NSUN4: variants seen among roughly 807,000 people sequenced by gnomAD.
NSUN4 encodes the protein NOP2/Sun RNA methyltransferase 4, also known as 5-cytosine rRNA methyltransferase NSUN4.
In NSUN4, 31 loss-of-function variants were observed where a neutral mutation model predicts 43.8. The observed-to-expected ratio is 0.71, with a 90% confidence interval of 0.53 to 0.96. The LOEUF (loss-of-function observed/expected upper bound fraction) is 0.96. Ranked by LOEUF, NSUN4 falls within the 40% of genes least tolerant of loss-of-function variation. The pLI, the probability that NSUN4 is intolerant of heterozygous loss-of-function variation, is 0.00. For missense variants in NSUN4, 439 were observed against 475.6 expected (o/e 0.92, Z 0.72); for synonymous variants, 167 against 184.1 (o/e 0.91, Z 0.75).
At chr1:46,341,617 C>T (rs1228452475) in intron 1 of NSUN4, 5 of 1,217,900 alleles carry the variant, frequency 4.1e-6, no homozygotes, top group Admixed American at 4.3e-5. Context: ...CCACCCCAGC[C>T]GATTCCCTCG....
chr1:46,377,020 A>G, the NSUN4 span, among the ~76,000 whole-genome samples: 2 of 149,608 alleles, frequency 1.3e-5, no homozygotes, highest in African/African-American at 4.9e-5. Flanking sequence ...AGCCTCCCAA[A>G]GTGTTCGGGT....
At chr1:46,345,659 G>T (rs1358705031) in intron 2 of NSUN4, among the ~76,000 whole-genome samples, 1 of 152,142 alleles carries the variant, frequency 6.6e-6, no homozygotes, top group Non-Finnish European at 1.5e-5. Flanking sequence ...AAATAGGGCT[G>T]GTCTAGGGGC....
intron 1 of NSUN4, chr1:46,343,874 A>G (rs184261858): frequency 5.5e-5 from 22 of 400,456 alleles, no homozygotes; most frequent in Middle Eastern, 6.3e-4. Context: ...AGTCCCCAAC[A>G]TAGCAGGAGC....
downstream of NSUN4, among the ~76,000 whole-genome samples, chr1:46,369,390 G>C (rs772645985): frequency 9.2e-5 from 14 of 152,178 alleles, no homozygotes; most frequent in Non-Finnish European, 1.5e-4. Flanking sequence ...GTAGACGCTA[G>C]AGTGGTGAAC....
In NSUN4 at chr1:46,344,917, G is replaced by T; in HGVS notation, c.210G>T (p.Glu70Asp). 6.2e-7 allele frequency: 1 copy of T among 1,614,242 alleles called. No individual in the cohort carries two copies. The highest frequency in any genetic ancestry group is 1.1e-5 in the South Asian group (1 of 91,086). The change falls in exon 2 of 6, where the codon GAG (glutamate) becomes GAT (aspartate). Residue 70 changes from glutamate to aspartate, a missense_variant. By Grantham distance (45) the Glu-to-Asp change is conservative. Transcript: ENST00000474844. The part of the protein sequence containing the change: ...WPSIRVSLLS[E>D]QKYGALVNNF... ...CAATCCGTGTCAGTCTCCTCTCAGA[G>T]CAGAAGTATGGTGCACTGGTCAATA...
chr1:46,360,659 G>A, intron 4 of NSUN4, 45 bp from the exon 5 acceptor site: 4 of 1,598,380 alleles, frequency 2.5e-6, no homozygotes, highest in East Asian at 2.2e-5. Context: ...AGGAAGAGAA[G>A]CCTATAAGGA....
rs1664001538 is a variant in NSUN4, at chr1:46,363,463, G to A, written c.*1617G>A. 6.6e-6 allele frequency: 1 copy of A among 152,186 alleles called. No homozygotes were observed. The highest frequency in any genetic ancestry group is 2.1e-4 in the South Asian group (1 of 4,832). The allele number at this position is 152,186 out of a possible 1,614,324, so 9.4% of individuals were successfully genotyped here. A position where few individuals can be genotyped will look rare whatever the true frequency, so the allele number is the denominator to read the frequency against. On this transcript the variant is annotated 3_prime_UTR_variant, in exon 6 of 6. Transcript: ENST00000474844. Reference sequence around the variant, plus strand: ...ATGCTAAGCAGTGGTAATTCAAAATGAGAGGGTCCCCTGCCTCTAGAGTCA... The same window carrying A: ...ATGCTAAGCAGTGGTAATTCAAAATAAGAGGGTCCCCTGCCTCTAGAGTCA...
intron 4 of NSUN4, among the ~76,000 whole-genome samples, chr1:46,353,540 G>T (rs991270288): frequency 6.6e-6 from 1 of 151,598 alleles, no homozygotes; most frequent in Admixed American, 6.6e-5. Context: ...GCAATGGCGC[G>T]ATCTCTGCTC....
At chr1:46,352,794 C>T in intron 3 of NSUN4, 74 bp from the exon 4 acceptor site, 2 of 1,455,454 alleles carry the variant, frequency 1.4e-6, no homozygotes, top group Admixed American at 1.7e-5. Flanking sequence ...GAGAATTGGT[C>T]TGACTCCATC....
chr1:46,361,570 G>C lies in NSUN4; in HGVS notation c.879G>C (p.Ala293=), dbSNP rs185791003. 1.2e-6 allele frequency: 2 copies of C among 1,613,170 alleles called. No homozygotes were observed. Among genetic ancestry groups the C allele is most frequent in the Non-Finnish European group, 1.7e-6 (2 of 1,179,498 alleles). ...TGCTTCTGTCTCTTTCTGGTTTCAGGGCTGGACTCCTTGCCACCAAACCAG... is the reference window on the plus strand; with the variant it reads ...TGCTTCTGTCTCTTTCTGGTTTCAGCGCTGGACTCCTTGCCACCAAACCAG... ...ILPVLQVQLL[A]AGLLATKPGG... is the part of the protein sequence containing the mutation. The change falls in exon 6 of 6, where the codon GCG becomes GCC. Residue 293 remains alanine, a splice_region_variant and synonymous_variant. Coordinates refer to ENST00000474844, the MANE Select transcript of NSUN4 (RefSeq NM_199044.4).
At chr1:46,345,311 TTTTG>T in intron 2 of NSUN4, 167 bp downstream of exon 2, 1 of 566,296 alleles carries the variant, frequency 1.8e-6, no homozygotes. Flanking sequence ...TGTTATCTCT[TTTTG>T]TTCTGTCAGC....
chr1:46,355,528 A>G (rs1043854094), intron 4 of NSUN4, among the ~76,000 whole-genome samples: 1 of 152,212 alleles, frequency 6.6e-6, no homozygotes, highest in African/African-American at 2.4e-5. Context: ...TTAAATAAGA[A>G]TGCATTTGGC....
At chr1:46,361,344 T>C (rs1253128675) in intron 5 of NSUN4, among the ~76,000 whole-genome samples, 2 of 152,084 alleles carry the variant, frequency 1.3e-5, no homozygotes, top group Non-Finnish European at 2.9e-5. Context: ...CAGGGGGTCA[T>C]TGTAAGGAGA....
chr1:46,360,202 C>T (rs1663727879), intron 4 of NSUN4, among the ~76,000 whole-genome samples: 2 of 122,062 alleles, frequency 1.6e-5, no homozygotes, highest in Non-Finnish European at 3.2e-5. Context: ...GCACTCCAGC[C>T]TGGGCGACAG....
intron 1 of NSUN4, chr1:46,342,005 T>C (rs1313405217): frequency 2.5e-6 from 3 of 1,204,576 alleles, no homozygotes; most frequent in Middle Eastern, 3.1e-4. Context: ...AGCTCACTCA[T>C]GTACCCTTGG....
the NSUN4 span, among the ~76,000 whole-genome samples, chr1:46,375,233 T>G: frequency 6.6e-6 from 1 of 151,308 alleles, no homozygotes; most frequent in Non-Finnish European, 1.5e-5. Context: ...GTTGGGAGTT[T>G]GAGACCAGCC....
chr1:46,341,118 T>TA (rs897592389), intron 1 of NSUN4, 199 bp downstream of exon 1: 263 of 1,280,108 alleles, frequency 2.1e-4, no homozygotes, highest in Non-Finnish European at 2.5e-4. Context: ...TTCCACTTGT[T>TA]ACGTCTGCAG....
the NSUN4 span, among the ~76,000 whole-genome samples, chr1:46,379,877 C>T: frequency 5.9e-5 from 9 of 152,074 alleles, no homozygotes; most frequent in African/African-American, 2.2e-4. Flanking sequence ...GGTCTTTAAT[C>T]CTATTTATGA....
chr1:46,341,796 C>A, intron 1 of NSUN4: 1 of 1,232,506 alleles, frequency 8.1e-7, no homozygotes, highest in South Asian at 4.1e-5. Context: ...GGGGTCACCC[C>A]CTCTCTGTCA....
Sources: gnomAD v4.1 joint callset for allele counts (sites outside exome capture counted in the v4.1 genomes callset) on GRCh38, gnomAD v4.1.1 for gene constraint, MANE v1.5 for transcripts, NCBI Gene and HGNC (gene_info 2026-07-23, HGNC 2026-07-21) for gene names.